LRP1B: variants seen among roughly 807,000 people sequenced by gnomAD.
LRP1B encodes the protein LDL receptor related protein 1B.
A neutral mutation model predicts 556.6 loss-of-function variants in LRP1B; 217 were observed. The ratio of observed to expected loss-of-function variants is 0.39; its 90% CI spans 0.35 to 0.44. LRP1B has a LOEUF of 0.44. LRP1B is among the 20% of genes least tolerant of loss of function. The pLI is 1.00. For synonymous variants in LRP1B, 2,047 were observed against 1,865.8 expected, an observed-to-expected ratio of 1.10 and a Z score of -2.50; for missense variants, 5,053 against 5,620.8, an observed-to-expected ratio of 0.90 and a Z score of 3.23.
intron 27 of LRP1B, among the ~76,000 whole-genome samples, chr2:140,852,352 T>A (rs2105123723): frequency 6.6e-6 from 1 of 152,138 alleles, no homozygotes. Context: ...AAAAAAGACG[T>A]CAAGACTTTT....
At chr2:140,522,869 A>G (rs569864010) in intron 49 of LRP1B, among the ~76,000 whole-genome samples, 9 of 152,040 alleles carry the variant, frequency 5.9e-5, no homozygotes, top group Admixed American at 2.6e-4. Flanking sequence ...TGAATAGATC[A>G]ATGAGTTCTA....
intron 35 of LRP1B, among the ~76,000 whole-genome samples, chr2:140,718,331 T>C (rs1182424466): frequency 1.3e-5 from 2 of 152,060 alleles, no homozygotes; most frequent in African/African-American, 4.8e-5. Context: ...GCACCACTTC[T>C]AATCAATCAC....
At chr2:140,695,747 T>C (rs967684856) in intron 41 of LRP1B, among the ~76,000 whole-genome samples, 1 of 152,188 alleles carries the variant, frequency 6.6e-6, no homozygotes, top group Non-Finnish European at 1.5e-5. Flanking sequence ...AGTGAACTAC[T>C]GCATTTTCCT....
At chr2:140,807,370 T>A (rs1424162837) in intron 32 of LRP1B, among the ~76,000 whole-genome samples, 1 of 152,130 alleles carries the variant, frequency 6.6e-6, no homozygotes, top group Non-Finnish European at 1.5e-5. Context: ...AGACAGAGTC[T>A]CACTCTATCA....
At chr2:141,803,079 T>C (rs1696061318) in intron 2 of LRP1B, among the ~76,000 whole-genome samples, 3 of 151,956 alleles carry the variant, frequency 2.0e-5, no homozygotes, top group African/African-American at 7.2e-5. Context: ...TGTGTCCCCT[T>C]TTATTCTGTG....
At position 141,289,296 on chromosome 2, in the gene LRP1B, GGCGT is replaced by G. The variant is rs539706823; in HGVS notation, c.344-34659_344-34656del. ...ACTGGGGAGGCTGAGGCAGGAGAAT[GGCGT>G]GAACCCAGGAGGCGGAGCTTGCAGT... On this transcript the variant is annotated intron_variant, in intron 3 of 90. Transcript: ENST00000389484. Among the ~76,000 whole-genome samples, 1,015 of 149,948 alleles carry G rather than the reference GGCGT, an allele frequency of 6.8e-3. 35 individuals carry two copies. Among genetic ancestry groups the G allele is most frequent in the Admixed American group, 0.054 (802 of 14,898 alleles).
intron 1 of LRP1B, among the ~76,000 whole-genome samples, chr2:141,912,646 A>G (rs1454253487): frequency 6.6e-6 from 1 of 152,068 alleles, no homozygotes; most frequent in East Asian, 1.9e-4. Flanking sequence ...GACTATTTTG[A>G]GAGAAAAACA....
chr2:140,345,878 A>T (rs79659523), intron 77 of LRP1B, among the ~76,000 whole-genome samples: 1 of 140,354 alleles, frequency 7.1e-6, no homozygotes, highest in African/African-American at 2.6e-5. Flanking sequence ...ATATATATAT[A>T]AAAAAAATAG....
intron 1 of LRP1B, among the ~76,000 whole-genome samples, chr2:142,007,046 T>C (rs1410946233): frequency 1.3e-5 from 2 of 152,192 alleles, no homozygotes; most frequent in Non-Finnish European, 2.9e-5. Context: ...GAATAAAAAC[T>C]GGTTTAGACC....
At chr2:141,408,300 G>A (rs547472533) in intron 3 of LRP1B, among the ~76,000 whole-genome samples, 8 of 151,924 alleles carry the variant, frequency 5.3e-5, no homozygotes, top group South Asian at 2.1e-4. Context: ...CCGCCACCAC[G>A]CGCAGCTAAT....
chr2:141,203,839 C>A (rs1682149527), intron 6 of LRP1B, among the ~76,000 whole-genome samples: 1 of 152,122 alleles, frequency 6.6e-6, no homozygotes, highest in Non-Finnish European at 1.5e-5. Flanking sequence ...GTCTCTCAGA[C>A]CACAGTGCAA....
At chr2:140,962,955 T>C (rs1050448408) in intron 18 of LRP1B, among the ~76,000 whole-genome samples, 2 of 152,124 alleles carry the variant, frequency 1.3e-5, no homozygotes, top group African/African-American at 4.8e-5. Context: ...GTAGGAAAAC[T>C]GGACCCTTTA....
At chr2:140,288,227 A>G (rs1310665384) in intron 84 of LRP1B, among the ~76,000 whole-genome samples, 2 of 151,472 alleles carry the variant, frequency 1.3e-5, no homozygotes, top group Non-Finnish European at 3.0e-5. Flanking sequence ...TATAATAAGG[A>G]TAAATACCAA....
chr2:141,887,356 G>A (rs1699159638), intron 1 of LRP1B, among the ~76,000 whole-genome samples: 1 of 152,092 alleles, frequency 6.6e-6, no homozygotes, highest in Non-Finnish European at 1.5e-5. Flanking sequence ...AACAGGAATG[G>A]CATTCCACGG....
rs1272683585 is a variant in LRP1B, at chr2:140,506,924, A to G, written c.8399-6T>C. The G allele has an allele frequency of 1.9e-6, 3 of 1,613,110 alleles. No homozygotes were observed. The highest frequency in any genetic ancestry group is 2.5e-6 in the Non-Finnish European group (3 of 1,179,632). On this transcript the variant is annotated splice_region_variant and splice_polypyrimidine_tract_variant and intron_variant, in intron 52 of 90. Coordinates refer to ENST00000389484, the MANE Select transcript of LRP1B (RefSeq NM_018557.3). ...ATCACATGTATTATTGGGAGCTAAGAAAGGCATCACAAAAAATAAAGTTAG... is the reference window on the plus strand; with the variant it reads ...ATCACATGTATTATTGGGAGCTAAGGAAGGCATCACAAAAAATAAAGTTAG...
intron 42 of LRP1B, among the ~76,000 whole-genome samples, chr2:140,600,768 T>G (rs1302600926): frequency 1.0e-4 from 2 of 19,560 alleles, no homozygotes; most frequent in Non-Finnish European, 9.3e-5. Flanking sequence ...TTCTTCGGGG[T>G]TTTTTTTTTT....
intron 33 of LRP1B, among the ~76,000 whole-genome samples, chr2:140,775,352 C>A (rs10469559): frequency 6.6e-6 from 1 of 151,856 alleles, no homozygotes; most frequent in Admixed American, 6.6e-5. Flanking sequence ...ATGAAAATCC[C>A]TATCTTAGTG....
intron 37 of LRP1B, among the ~76,000 whole-genome samples, chr2:140,711,248 T>C (rs1291489654): frequency 1.3e-5 from 2 of 152,040 alleles, no homozygotes; most frequent in African/African-American, 2.4e-5. Context: ...TGGCAGATTT[T>C]TCATCTTCTC....
intron 79 of LRP1B, among the ~76,000 whole-genome samples, chr2:140,331,630 G>A (rs1263767441): frequency 6.7e-6 from 1 of 150,034 alleles, no homozygotes; most frequent in East Asian, 2.0e-4. Context: ...TGGCTCAGAG[G>A]ACTATATTAT....
Sources: allele counts gnomAD v4.1 joint callset (sites outside exome capture counted in the v4.1 genomes callset), GRCh38; gene constraint gnomAD v4.1.1; transcripts MANE v1.5; gene names NCBI Gene and HGNC (gene_info 2026-07-23, HGNC 2026-07-21).